TMEM38B: variants seen among roughly 807,000 people sequenced by gnomAD.
TMEM38B encodes the protein transmembrane protein 38B.
In TMEM38B, 24 loss-of-function variants were observed where a neutral mutation model predicts 28.7. The ratio of observed to expected loss-of-function variants is 0.84; its 90% CI spans 0.61 to 1.18. TMEM38B has a LOEUF of 1.18. Among genes scored for constraint, TMEM38B ranks in the 50% most tolerant of loss-of-function variants. The probability of loss-of-function intolerance (pLI) is 0.00; values close to 1 mark genes in which losing one functional copy is unlikely to be tolerated. For missense variants in TMEM38B, 380 were observed against 350.9 expected, an observed-to-expected ratio of 1.08 and a Z score of -0.66; for synonymous variants, 131 against 127.7, an observed-to-expected ratio of 1.03 and a Z score of -0.17.
At chr9:105,697,393 G>T (rs1480413984) in intron 1 of TMEM38B, among the ~76,000 whole-genome samples, 1 of 152,182 alleles carries the variant, frequency 6.6e-6, no homozygotes, top group Non-Finnish European at 1.5e-5. Context: ...AGTGAACAGT[G>T]TACCTGTTTA....
At chr9:105,772,454 GC>G (rs2133657953) in intron 5 of TMEM38B, among the ~76,000 whole-genome samples, 1 of 152,164 alleles carries the variant, frequency 6.6e-6, no homozygotes. Flanking sequence ...ACAAGAAAAA[GC>G]AAGGGTAAAT....
intron 5 of TMEM38B, among the ~76,000 whole-genome samples, chr9:105,760,920 GACTA>G (rs1838021690): frequency 6.6e-6 from 1 of 152,166 alleles, no homozygotes; most frequent in South Asian, 2.1e-4. Flanking sequence ...ACTCCTAGGA[GACTA>G]ACTAGATCTC....
chr9:105,724,644 G>A (rs1836443304), intron 4 of TMEM38B, among the ~76,000 whole-genome samples: 1 of 151,418 alleles, frequency 6.6e-6, no homozygotes, highest in Non-Finnish European at 1.5e-5. Context: ...AAAAGAAGAA[G>A]GTGGAAAGGC....
At chr9:105,721,491 C>G in intron 2 of TMEM38B, 46 bp from the exon 3 acceptor site, 1 of 1,340,406 alleles carries the variant, frequency 7.5e-7, no homozygotes, top group Non-Finnish European at 9.9e-7. Context: ...AATTTCTGTT[C>G]TTCTGATTCC....
At chr9:105,716,636 A>AG (rs1836108917) in intron 2 of TMEM38B, among the ~76,000 whole-genome samples, 10 of 104,096 alleles carry the variant, frequency 9.6e-5, no homozygotes, top group African/African-American at 5.3e-4. Flanking sequence ...GAACTGTGTG[A>AG]ATCCACTTAT....
Position 105,759,779 on chromosome 9 carries a change from C to T in TMEM38B, c.660+11589C>T. ...CGTGCTGGTTTTAAGAGAACCACTA[C>T]TTTGACTGCTCAAGACCAAGAGGAG... On this transcript the variant is annotated intron_variant, in intron 5 of 5. Transcript: ENST00000374692. 2.5e-6 allele frequency: 4 copies of T among 1,609,152 alleles called. No homozygotes were observed. In the African/African-American group the frequency reaches 5.3e-5, roughly 21 times the overall value.
intron 4 of TMEM38B, among the ~76,000 whole-genome samples, chr9:105,725,668 C>T (rs562950661): frequency 3.9e-5 from 6 of 151,992 alleles, no homozygotes; most frequent in African/African-American, 7.3e-5. Context: ...GCAATTTTAA[C>T]GTAGTAGTAG....
chr9:105,741,335 T>C (rs568952717), intron 4 of TMEM38B, among the ~76,000 whole-genome samples: 1 of 152,266 alleles, frequency 6.6e-6, no homozygotes, highest in Admixed American at 6.5e-5. Context: ...GATTAGATAA[T>C]TGGTGGAGGC....
intron 4 of TMEM38B, among the ~76,000 whole-genome samples, chr9:105,733,697 T>C (rs113414052): frequency 1.3e-3 from 200 of 152,128 alleles, no homozygotes; most frequent in African/African-American, 4.6e-3. Context: ...TTAATCTTGG[T>C]TGGTTATTTT....
chr9:105,702,902 C>A (rs1397282795), intron 1 of TMEM38B: 1 of 152,076 alleles, frequency 6.6e-6, no homozygotes, highest in Non-Finnish European at 1.5e-5. Context: ...CTGGTCTCGA[C>A]CTCCTGGACT....
rs558516866 is a variant in TMEM38B, at chr9:105,720,868, A to G, written c.270-669A>G. Reference sequence around the variant, plus strand: ...TAGATGCTTAGAACAAATGAAGTTTAAAAAAATAATTTACCATAGATGGGA... The same window carrying G: ...TAGATGCTTAGAACAAATGAAGTTTGAAAAAATAATTTACCATAGATGGGA... On this transcript the variant is annotated intron_variant, in intron 2 of 5. Transcript: ENST00000374692. 1.5e-3 allele frequency among the ~76,000 whole-genome samples: 231 copies of G among 152,278 alleles called. 2 individuals carry two copies. Among genetic ancestry groups the G allele is most frequent in the South Asian group, 2.7e-3 (13 of 4,834 alleles).
intron 4 of TMEM38B, among the ~76,000 whole-genome samples, chr9:105,736,758 A>G (rs1316792803): frequency 6.6e-6 from 1 of 152,192 alleles, no homozygotes; most frequent in Non-Finnish European, 1.5e-5. Context: ...AGTGGTTTTC[A>G]TAGGGAAAGG....
intron 5 of TMEM38B, among the ~76,000 whole-genome samples, chr9:105,761,420 G>A (rs1442908779): frequency 2.6e-5 from 4 of 152,194 alleles, no homozygotes; most frequent in Middle Eastern, 3.4e-3. Flanking sequence ...AGATGGGGAC[G>A]TAAAAGAAGT....
At chr9:105,751,068 G>A (rs1227356694) in intron 5 of TMEM38B, among the ~76,000 whole-genome samples, 2 of 152,254 alleles carry the variant, frequency 1.3e-5, no homozygotes, top group East Asian at 1.9e-4. Context: ...AAATCAAGAC[G>A]TGTGACTCTG....
chr9:105,752,072 A>G lies in TMEM38B; in HGVS notation c.660+3882A>G, dbSNP rs1006046252. Reference sequence around the variant, plus strand: ...TGCAGCACAGCTGCTTTGCTAGATCATTACCAGACTGTTTTTTTAAGCCGG... The same window carrying G: ...TGCAGCACAGCTGCTTTGCTAGATCGTTACCAGACTGTTTTTTTAAGCCGG... On this transcript the variant is annotated intron_variant, in intron 5 of 5. Transcript: ENST00000374692. 7.2e-5 allele frequency among the ~76,000 whole-genome samples: 11 copies of G among 152,264 alleles called. No homozygotes were observed. In the South Asian group the frequency reaches 2.1e-3, roughly 29 times the overall value.
At chr9:105,712,184 G>C (rs997455026) in intron 2 of TMEM38B, among the ~76,000 whole-genome samples, 1 of 152,074 alleles carries the variant, frequency 6.6e-6, no homozygotes, top group African/African-American at 2.4e-5. Flanking sequence ...CAAGGTGCTG[G>C]GATTACAGGC....
intron 5 of TMEM38B, chr9:105,759,711 C>G (rs1837964716): frequency 6.3e-7 from 1 of 1,598,672 alleles, no homozygotes; most frequent in Non-Finnish European, 8.5e-7. Context: ...AACAGGAATT[C>G]CTGTTGAATC....
intron 5 of TMEM38B, among the ~76,000 whole-genome samples, chr9:105,749,589 G>GT (rs1221391725): frequency 6.6e-6 from 1 of 152,040 alleles, no homozygotes; most frequent in Non-Finnish European, 1.5e-5. Context: ...ATCATACAAT[G>GT]CACTTAAACT....
chr9:105,767,663 A>G (rs974207582), intron 5 of TMEM38B, among the ~76,000 whole-genome samples: 4 of 152,132 alleles, frequency 2.6e-5, no homozygotes, highest in African/African-American at 9.7e-5. Flanking sequence ...TTAAATTTAA[A>G]TTTATCCTGA....
Sources: allele counts gnomAD v4.1 joint callset (sites outside exome capture counted in the v4.1 genomes callset), GRCh38; gene constraint gnomAD v4.1.1; transcripts MANE v1.5; gene names NCBI Gene and HGNC (gene_info 2026-07-23, HGNC 2026-07-21).